The following SYNCRIP variants were observed in gnomAD, a reference collection of about 807,000 sequenced individuals.
SYNCRIP encodes the protein heterogeneous nuclear ribonucleoprotein Q.
Under a neutral mutation model 68.9 loss-of-function variants are expected in SYNCRIP, and 9 were observed. That is an observed-to-expected ratio of 0.13 (90% CI 0.08 to 0.23). The LOEUF is 0.23. Ranked by LOEUF, SYNCRIP falls within the 10% of genes least tolerant of loss-of-function variation. The pLI is 1.00. For missense variants in SYNCRIP, 414 were observed against 770.6 expected (o/e 0.54, Z 5.48); for synonymous variants, 258 against 254.0 (o/e 1.02, Z -0.15).
intron 6 of SYNCRIP, among the ~76,000 whole-genome samples, chr6:85,635,814 G>A (rs939031779): frequency 5.0e-5 from 7 of 141,342 alleles, no homozygotes; most frequent in African/African-American, 7.8e-5. Context: ...GAAGACTTAT[G>A]AGTTTTATTT....
downstream of SYNCRIP, chr6:85,609,786 G>A (rs566808301): frequency 2.6e-5 from 4 of 151,980 alleles, no homozygotes; most frequent in South Asian, 8.3e-4. Context: ...TTTAACATCA[G>A]AATGCTTTAA....
chr6:85,642,036 C>T (rs968455668), intron 1 of SYNCRIP, among the ~76,000 whole-genome samples: 6 of 152,222 alleles, frequency 3.9e-5, no homozygotes, highest in Non-Finnish European at 5.9e-5. Context: ...TCTGCGCCTT[C>T]CAATGTCCTA....
chr6:85,624,653 A>G (rs1349553544), intron 6 of SYNCRIP, among the ~76,000 whole-genome samples: 1 of 152,242 alleles, frequency 6.6e-6, no homozygotes, highest in Non-Finnish European at 1.5e-5. Flanking sequence ...AAGGAGAAAG[A>G]GAAGTAGATT....
At chr6:85,630,753 G>A (rs1414897653) in intron 6 of SYNCRIP, among the ~76,000 whole-genome samples, 1 of 152,136 alleles carries the variant, frequency 6.6e-6, no homozygotes, top group Non-Finnish European at 1.5e-5. Flanking sequence ...CAGCAAGTCA[G>A]GTTATTTATC....
At chr6:85,619,922 A>C (rs751795934) in intron 8 of SYNCRIP, among the ~76,000 whole-genome samples, 4 of 152,154 alleles carry the variant, frequency 2.6e-5, no homozygotes, top group African/African-American at 4.8e-5. Flanking sequence ...AAAAACTTAG[A>C]GAGAGATGTT....
chr6:85,620,505 T>A (rs1806268418), intron 8 of SYNCRIP, among the ~76,000 whole-genome samples: 1 of 152,142 alleles, frequency 6.6e-6, no homozygotes, highest in South Asian at 2.1e-4. Flanking sequence ...AGTGGTTGAA[T>A]GGGGAGGGAT....
At chr6:85,615,534 T>C (rs571539749) in intron 10 of SYNCRIP, among the ~76,000 whole-genome samples, 187 bp from the exon 11 acceptor site, 1 of 152,338 alleles carries the variant, frequency 6.6e-6, no homozygotes, top group South Asian at 2.1e-4. Context: ...GATGACAATA[T>C]AGGCATCCCA....
At chr6:85,610,508 T>G (rs1332966844), downstream of SYNCRIP, 3 of 151,990 alleles carry the variant, frequency 2.0e-5, no homozygotes, top group African/African-American at 7.2e-5. Context: ...CTCCATATTT[T>G]AATGTTTTCT....
At chr6:85,615,379 A>T (rs1805655375) in intron 10 of SYNCRIP, 32 bp from the exon 11 acceptor site, 1 of 1,390,836 alleles carries the variant, frequency 7.2e-7, no homozygotes. Flanking sequence ...TTAGAGTTTA[A>T]ATCAAATTAC....
intron 6 of SYNCRIP, among the ~76,000 whole-genome samples, chr6:85,634,706 C>A (rs1010724706): frequency 2.0e-5 from 3 of 152,108 alleles, no homozygotes; most frequent in Non-Finnish European, 2.9e-5. Context: ...TACCTCATTG[C>A]TTACTGGATC....
At chr6:85,619,988 C>T (rs1235658382) in intron 8 of SYNCRIP, among the ~76,000 whole-genome samples, 6 of 152,120 alleles carry the variant, frequency 3.9e-5, no homozygotes, top group Admixed American at 6.6e-5. Context: ...GGCTCACACC[C>T]GTAATCCCAG....
At chr6:85,612,697 T>C, downstream of SYNCRIP, 1 of 515,192 alleles carries the variant, frequency 1.9e-6, no homozygotes, top group Non-Finnish European at 3.2e-6. Context: ...AGAAAATTGT[T>C]AAAGAAATTC....
intron 4 of SYNCRIP, among the ~76,000 whole-genome samples, chr6:85,639,168 A>G (rs1562113924): frequency 2.0e-5 from 3 of 152,310 alleles, no homozygotes; most frequent in Non-Finnish European, 4.4e-5. Flanking sequence ...AGATCACGCC[A>G]CTGCACTCCA....
intron 8 of SYNCRIP, among the ~76,000 whole-genome samples, chr6:85,621,607 T>TA (rs34749230): frequency 0.027 from 3,348 of 124,750 alleles, 68 homozygotes; most frequent in East Asian, 0.09. Flanking sequence ...CCCTGTCACT[T>TA]AAAAAAAAAA....
intron 6 of SYNCRIP, among the ~76,000 whole-genome samples, chr6:85,626,631 G>C (rs991913518): frequency 1.3e-5 from 2 of 152,204 alleles, no homozygotes; most frequent in Admixed American, 1.3e-4. Flanking sequence ...AGGAGGCAAA[G>C]GCAAGACAAC....
downstream of SYNCRIP, chr6:85,608,111 A>T (rs570541517): frequency 6.6e-6 from 1 of 152,178 alleles, no homozygotes; most frequent in East Asian, 1.9e-4. Flanking sequence ...AAAAATTAAG[A>T]CCAGCCTAAT....
intron 6 of SYNCRIP, among the ~76,000 whole-genome samples, chr6:85,633,961 TATTA>T (rs1381339533): frequency 3.9e-5 from 6 of 152,300 alleles, no homozygotes; most frequent in African/African-American, 1.2e-4. Flanking sequence ...CAAAGTCTCC[TATTA>T]ATTAGATAGT....
At chr6:85,637,385 T>TCA in intron 4 of SYNCRIP, 29 bp from the exon 5 acceptor site, 1 of 1,399,466 alleles carries the variant, frequency 7.1e-7, no homozygotes, top group Non-Finnish European at 1.0e-6. Flanking sequence ...CATTAATACA[T>TCA]TTAATTCACT....
At chr6:85,628,970 G>A (rs528799201) in intron 6 of SYNCRIP, among the ~76,000 whole-genome samples, 4 of 151,886 alleles carry the variant, frequency 2.6e-5, no homozygotes, top group African/African-American at 7.3e-5. Flanking sequence ...CAAAATCTCC[G>A]ATCTTTCTCC....
Sources: allele counts gnomAD v4.1 joint callset (sites outside exome capture counted in the v4.1 genomes callset), GRCh38; gene constraint gnomAD v4.1.1; transcripts MANE v1.5; gene names NCBI Gene and HGNC (gene_info 2026-07-23, HGNC 2026-07-21).